The following PITPNM3 variants were observed in gnomAD, a reference collection of about 807,000 sequenced individuals.
PITPNM3 encodes the protein membrane-associated phosphatidylinositol transfer protein 3.
A neutral mutation model predicts 102.0 loss-of-function variants in PITPNM3; 26 were observed. The ratio of observed to expected loss-of-function variants is 0.25; its 90% CI spans 0.19 to 0.35. The LOEUF is 0.35. Among genes scored for constraint, PITPNM3 ranks in the 10% least tolerant of loss-of-function variants. The pLI is 1.00. For missense variants in PITPNM3, 1,083 were observed against 1,346.1 expected (o/e 0.80, Z 3.06); for synonymous variants, 578 against 558.6 (o/e 1.03, Z -0.49).
In PITPNM3 at chr17:6,470,499, G is replaced by A; in HGVS notation, c.1625-91C>T. The A allele has an allele frequency of 6.4e-7, 1 of 1,571,346 alleles. No homozygotes were observed. Among genetic ancestry groups the A allele is most frequent in the Non-Finnish European group, 8.7e-7 (1 of 1,145,342 alleles). Reference sequence around the variant, plus strand: ...GTCTCCCATTGCACAGACTGGTGGTGGATGCCCCACGTGGGGCACGGGTTT... The same window carrying A: ...GTCTCCCATTGCACAGACTGGTGGTAGATGCCCCACGTGGGGCACGGGTTT... On this transcript the variant is annotated intron_variant, in intron 12 of 19. Transcript: ENST00000262483. The surrounding 1 kb of genome is among the most constrained non-coding windows in gnomAD (Gnocchi z 4.8).
At chr17:6,543,997 T>C (rs1194348774) in intron 1 of PITPNM3, among the ~76,000 whole-genome samples, 1 of 152,198 alleles carries the variant, frequency 6.6e-6, no homozygotes, top group East Asian at 1.9e-4. Flanking sequence ...GGAGGGCACA[T>C]GGGTGTCTGC....
At chr17:6,533,677 A>G (rs550200686) in intron 2 of PITPNM3, among the ~76,000 whole-genome samples, 1 of 152,074 alleles carries the variant, frequency 6.6e-6, no homozygotes, top group South Asian at 2.1e-4. Context: ...GGCTGGTCTC[A>G]CACTCCTGAA....
At chr17:6,544,654 T>TCTCTCTCACACACACA (rs376230474) in intron 1 of PITPNM3, among the ~76,000 whole-genome samples, 77 of 130,264 alleles carry the variant, frequency 5.9e-4, no homozygotes, top group African/African-American at 2.2e-3. Flanking sequence ...TCTCTCTCTC[T>TCTCTCTCACACACACA]CACACACACA....
intron 1 of PITPNM3, among the ~76,000 whole-genome samples, chr17:6,547,903 T>C (rs1166155721): frequency 2.0e-5 from 3 of 152,036 alleles, no homozygotes; most frequent in African/African-American, 7.2e-5. Flanking sequence ...TAATTTTGTA[T>C]TTTTAGTAGA....
intron 4 of PITPNM3, 66 bp from the exon 5 acceptor site, chr17:6,484,358 GC>G: frequency 1.4e-6 from 2 of 1,468,948 alleles, no homozygotes; most frequent in Non-Finnish European, 9.5e-7. Flanking sequence ...CACTCCCTGG[GC>G]CCAGCTGGCC....
chr17:6,541,771 C>T (rs1909744341), intron 1 of PITPNM3, among the ~76,000 whole-genome samples: 1 of 152,186 alleles, frequency 6.6e-6, no homozygotes, highest in Admixed American at 6.5e-5. Context: ...GAGGTGGGTC[C>T]TTGCCCTACA....
chr17:6,468,716 T>C lies in PITPNM3; in HGVS notation c.1774-375A>G, dbSNP rs1196985596. ...CTTCTTGAGGACGTTGCTCCAGCCA[T>C]GCTCCCCTCCCAATCCCGCAGAGCT... On this transcript the variant is annotated intron_variant, in intron 13 of 19. Coordinates refer to ENST00000262483, the MANE Select transcript of PITPNM3 (RefSeq NM_031220.4). This position sits in a 1 kb window ranked among gnomAD's most constrained non-coding sequence, Gnocchi z 5.2. Among the ~76,000 whole-genome samples the C allele has an allele frequency of 6.6e-6, 1 of 152,148 alleles. No homozygotes were observed. The highest frequency in any genetic ancestry group is 6.5e-5 in the Admixed American group (1 of 15,278).
Position 6,459,479 on chromosome 17 carries a change from G to A in PITPNM3, c.2491-1757C>T, listed in dbSNP as rs941103011. ...TCCCGTCTCATGGCTCCACTGATCC[G>A]TCTCATGCATCTGTTTCCCAGTCTC... On this transcript the variant is annotated intron_variant, in intron 18 of 19. Coordinates refer to ENST00000262483, the MANE Select transcript of PITPNM3 (RefSeq NM_031220.4). The surrounding 1 kb of genome is among the most constrained non-coding windows in gnomAD (Gnocchi z 5.0). 2.0e-5 allele frequency among the ~76,000 whole-genome samples: 3 copies of A among 151,814 alleles called. No homozygotes were observed. Among genetic ancestry groups the A allele is most frequent in the Non-Finnish European group, 4.4e-5 (3 of 67,996 alleles).
intron 1 of PITPNM3, among the ~76,000 whole-genome samples, chr17:6,546,378 C>T (rs1010744998): frequency 6.6e-6 from 1 of 152,368 alleles, no homozygotes; most frequent in East Asian, 1.9e-4. Flanking sequence ...GATCATCCAT[C>T]CATCGGTAAT....
intron 17 of PITPNM3, among the ~76,000 whole-genome samples, chr17:6,462,854 G>C (rs1226549146): frequency 6.6e-6 from 1 of 152,146 alleles, no homozygotes; most frequent in East Asian, 1.9e-4. Context: ...GGGAGTTTCT[G>C]ATGACTGTCG....
At chr17:6,461,697 C>T (rs1326864934) in intron 17 of PITPNM3, 141 bp from the exon 18 acceptor site, 21 of 955,062 alleles carry the variant, frequency 2.2e-5, no homozygotes, top group Admixed American at 3.8e-5. Flanking sequence ...AGGGGGACCC[C>T]GAATCCCCTC....
chr17:6,525,309 A>G (rs746497125), intron 3 of PITPNM3, 47 bp downstream of exon 3: 2 of 1,557,026 alleles, frequency 1.3e-6, no homozygotes, highest in South Asian at 2.2e-5. Flanking sequence ...CCCCCCCTGC[A>G]ACACACCTAT....
chr17:6,482,704 T>C (rs1463962614), intron 6 of PITPNM3, among the ~76,000 whole-genome samples: 1 of 152,074 alleles, frequency 6.6e-6, no homozygotes, highest in Non-Finnish European at 1.5e-5. Context: ...AGAGGCAGAA[T>C]TGAATTGGAG....
intron 4 of PITPNM3, among the ~76,000 whole-genome samples, chr17:6,502,189 C>A (rs1907224375): frequency 6.6e-6 from 1 of 152,260 alleles, no homozygotes; most frequent in African/African-American, 2.4e-5. Flanking sequence ...GTGGCTCACG[C>A]CTAAAATCCC....
intron 3 of PITPNM3, among the ~76,000 whole-genome samples, chr17:6,512,434 G>A (rs142220487): frequency 4.6e-5 from 7 of 152,286 alleles, no homozygotes; most frequent in African/African-American, 1.4e-4. Flanking sequence ...TTGGACCTGT[G>A]GAGTCCTTAA....
Position 6,478,020 on chromosome 17 carries a change from G to T in PITPNM3, c.855C>A (p.Asp285Glu). The change falls in exon 8 of 20, where the codon GAC (aspartate) becomes GAA (glutamate). Residue 285 changes from aspartate to glutamate, a missense_variant. By Grantham distance (45) the Asp-to-Glu change is conservative. Coordinates refer to ENST00000262483, the MANE Select transcript of PITPNM3 (RefSeq NM_031220.4). The surrounding 1 kb of genome is among the most constrained non-coding windows in gnomAD (Gnocchi z 4.4). ...AICYSAGPSG[D>E]SPASSSRKGS... ...CCTTCCGGCTGCTGCTGGCAGGGCTGTCCCCTGAGGGCCCCGCACTGTAGC... is the reference window on the plus strand; with the variant it reads ...CCTTCCGGCTGCTGCTGGCAGGGCTTTCCCCTGAGGGCCCCGCACTGTAGC... 6.2e-7 allele frequency: 1 copy of T among 1,613,578 alleles called. No homozygotes were observed. The highest frequency in any genetic ancestry group is 1.1e-5 in the South Asian group (1 of 91,086).
chr17:6,477,841 C>T (rs1390400469), intron 8 of PITPNM3, 134 bp downstream of exon 8: 3 of 1,497,600 alleles, frequency 2.0e-6, no homozygotes, highest in East Asian at 2.3e-5. Flanking sequence ...CCACTGCGCC[C>T]AGCTGGATTA....
chr17:6,539,943 C>T, intron 1 of PITPNM3, among the ~76,000 whole-genome samples: 1 of 152,208 alleles, frequency 6.6e-6, no homozygotes, highest in East Asian at 1.9e-4. Context: ...GAGGATTTAT[C>T]TGGATCCATT....
At chr17:6,489,636 T>C (rs116829095) in intron 4 of PITPNM3, among the ~76,000 whole-genome samples, 1 of 151,922 alleles carries the variant, frequency 6.6e-6, no homozygotes, top group Non-Finnish European at 1.5e-5. Flanking sequence ...GAGGAAAAAG[T>C]GAGGAGAGGC....
Sources: allele counts gnomAD v4.1 joint callset (sites outside exome capture counted in the v4.1 genomes callset), GRCh38; gene constraint gnomAD v4.1.1; non-coding constraint Gnocchi (gnomAD v3.1); transcripts MANE v1.5; gene names NCBI Gene and HGNC (gene_info 2026-07-23, HGNC 2026-07-21).